The following BNC2 variants were observed in gnomAD, a reference collection of about 807,000 sequenced individuals.
BNC2 encodes basonuclin zinc finger protein 2.
Under a neutral mutation model 76.3 loss-of-function variants are expected in BNC2, and 20 were observed. That is an observed-to-expected ratio of 0.26 (90% CI 0.18 to 0.38). The LOEUF (loss-of-function observed/expected upper bound fraction) is 0.38. BNC2 is among the 10% of genes least tolerant of loss of function. The pLI, the probability that BNC2 is intolerant of heterozygous loss-of-function variation, is 1.00. For synonymous variants in BNC2, 582 were observed against 514.8 expected (o/e 1.13, Z -1.77); for missense variants, 1,382 against 1,399.8 (o/e 0.99, Z 0.20).
intron 5 of BNC2, among the ~76,000 whole-genome samples, chr9:16,471,616 G>A (rs569071517): frequency 6.6e-6 from 1 of 152,352 alleles, no homozygotes; most frequent in South Asian, 2.1e-4. Context: ...TTACAGGCCT[G>A]TAGGCGGAAG....
At chr9:16,622,757 C>G (rs146696850) in intron 3 of BNC2, among the ~76,000 whole-genome samples, 4 of 152,206 alleles carry the variant, frequency 2.6e-5, no homozygotes, top group African/African-American at 9.6e-5. Context: ...TTTTTAGAAG[C>G]CTGTTGCTCC....
Position 16,609,204 on chromosome 9 carries a change from T to G in BNC2, c.331-26119A>C, listed in dbSNP as rs142958108. Among the ~76,000 whole-genome samples the G allele has an allele frequency of 1.4e-3, 214 of 152,284 alleles. 1 individual carries two copies. The highest frequency in any genetic ancestry group is 5.1e-3 in the African/African-American group (210 of 41,562). ...GCTTTTATAACAAAAGTCTCAGACA[T>G]GAAATCATTACTACAACAAGTATTT... On this transcript the variant is annotated intron_variant, in intron 3 of 6. Coordinates refer to ENST00000380672, the MANE Select transcript of BNC2 (RefSeq NM_017637.6).
intron 5 of BNC2, among the ~76,000 whole-genome samples, chr9:16,545,848 C>T (rs187340088): frequency 8.5e-5 from 13 of 152,160 alleles, no homozygotes; most frequent in Non-Finnish European, 7.4e-5. Context: ...ATCTACGATC[C>T]GAGAAAATGG....
intron 3 of BNC2, among the ~76,000 whole-genome samples, chr9:16,631,607 G>A (rs1298429213): frequency 2.0e-5 from 3 of 152,096 alleles, no homozygotes; most frequent in Non-Finnish European, 4.4e-5. Flanking sequence ...CAACTGAGAG[G>A]GCTGGTATGA....
At position 16,732,901 on chromosome 9, in the gene BNC2, C is replaced by T. The variant is rs143188381; in HGVS notation, c.130-4904G>A. 4.7e-3 allele frequency among the ~76,000 whole-genome samples: 717 copies of T among 152,282 alleles called. 2 individuals are homozygous for T. The highest frequency in any genetic ancestry group is 0.016 in the African/African-American group (679 of 41,558). On this transcript the variant is annotated intron_variant, in intron 2 of 6. Transcript: ENST00000380672. Reference sequence around the variant, plus strand: ...TATAGAAAAAAATGTTAAAAACTGGCTATCCAATCTTATATGTGGACTCAG... The same window carrying T: ...TATAGAAAAAAATGTTAAAAACTGGTTATCCAATCTTATATGTGGACTCAG...
rs562166632 is a variant in BNC2 at position 16,578,895 on chromosome 9, T to C, written c.433+4088A>G. 3.6e-3 allele frequency among the ~76,000 whole-genome samples: 553 copies of C among 152,118 alleles called. 3 individuals carry two copies. The highest frequency in any genetic ancestry group is 0.012 in the African/African-American group (517 of 41,486). On this transcript the variant is annotated intron_variant, in intron 4 of 6. Transcript: ENST00000380672. ...GTGAAGTAGTGGCAGTAAACTGGAG[T>C]CCTTTTACAGAGACTTGACAGAATT... is the stretch of plus-strand genomic sequence containing the variant.
At chr9:16,699,443 G>A (rs891200654) in intron 3 of BNC2, among the ~76,000 whole-genome samples, 3 of 151,674 alleles carry the variant, frequency 2.0e-5, no homozygotes, top group African/African-American at 7.2e-5. Context: ...GAGTAAGAAA[G>A]AAGAGATTTC....
At chr9:16,650,381 C>T (rs757350950) in intron 3 of BNC2, among the ~76,000 whole-genome samples, 2 of 152,044 alleles carry the variant, frequency 1.3e-5, no homozygotes, top group African/African-American at 2.4e-5. Context: ...TGTGTTCATG[C>T]CTTAGTGGTA....
chr9:16,609,872 C>T (rs1284764515), intron 3 of BNC2, among the ~76,000 whole-genome samples: 5 of 152,090 alleles, frequency 3.3e-5, no homozygotes, highest in Non-Finnish European at 7.4e-5. Flanking sequence ...CTCAGGACTC[C>T]TGTCTCTTAG....
At chr9:16,817,522 T>C (rs1818214826) in intron 1 of BNC2, among the ~76,000 whole-genome samples, 1 of 152,148 alleles carries the variant, frequency 6.6e-6, no homozygotes, top group African/African-American at 2.4e-5. Flanking sequence ...TCCCATTTCT[T>C]CATTCAAAAA....
chr9:16,567,641 C>T (rs1317083039), intron 4 of BNC2, among the ~76,000 whole-genome samples: 1 of 151,980 alleles, frequency 6.6e-6, no homozygotes, highest in East Asian at 1.9e-4. Flanking sequence ...TATAAAAGTG[C>T]TTTTCACTGA....
chr9:16,477,966 G>C (rs1196835602), intron 5 of BNC2, among the ~76,000 whole-genome samples: 1 of 151,972 alleles, frequency 6.6e-6, no homozygotes, highest in African/African-American at 2.4e-5. Flanking sequence ...TTTCTCCTTA[G>C]AAAAAGACTT....
chr9:16,614,957 TTA>T (rs1820655592), intron 3 of BNC2, among the ~76,000 whole-genome samples: 1 of 60,722 alleles, frequency 1.6e-5, no homozygotes, highest in African/African-American at 7.4e-5. Flanking sequence ...CTCTGTCTCT[TTA>T]AAAAAAAAAA....
rs112687861 is a variant in BNC2, at chr9:16,620,371, C to T, written c.331-37286G>A. On this transcript the variant is annotated intron_variant, in intron 3 of 6. Transcript: ENST00000380672. ...TGACTGACAAAGAGGCAACAGCTAA[C>T]GGACTTTGCTCGGAGCTTTTACTGG... Among the ~76,000 whole-genome samples the T allele has an allele frequency of 7.2e-4, 110 of 152,306 alleles. 1 individual carries two copies. The highest frequency in any genetic ancestry group is 2.3e-3 in the African/African-American group (96 of 41,574).
intron 3 of BNC2, among the ~76,000 whole-genome samples, chr9:16,673,144 G>C (rs991883330): frequency 1.3e-5 from 2 of 152,028 alleles, no homozygotes; most frequent in Admixed American, 1.3e-4. Flanking sequence ...GCATGTATTA[G>C]ACATAGACTT....
At chr9:16,566,127 G>C (rs532546992) in intron 4 of BNC2, among the ~76,000 whole-genome samples, 1 of 152,102 alleles carries the variant, frequency 6.6e-6, no homozygotes, top group South Asian at 2.1e-4. Context: ...ATGTAGCCTA[G>C]AGAGGCTCCC....
At chr9:16,770,366 AG>A (rs1425298322) in intron 1 of BNC2, among the ~76,000 whole-genome samples, 6 of 152,330 alleles carry the variant, frequency 3.9e-5, no homozygotes, top group Admixed American at 2.0e-4. Context: ...TTAGAAAAAT[AG>A]TAAGATACTT....
chr9:16,547,438 G>A (rs1212151252), intron 5 of BNC2, among the ~76,000 whole-genome samples: 2 of 152,218 alleles, frequency 1.3e-5, no homozygotes, highest in African/African-American at 4.8e-5. Context: ...AAGCTAAACA[G>A]GTTTCCCTAG....
intron 3 of BNC2, among the ~76,000 whole-genome samples, chr9:16,588,400 T>C (rs898062098): frequency 3.9e-5 from 6 of 152,302 alleles, no homozygotes; most frequent in South Asian, 2.1e-4. Flanking sequence ...ATTCATACTA[T>C]AGTCCTCTAA....
Sources: gnomAD v4.1 joint callset for allele counts (sites outside exome capture counted in the v4.1 genomes callset) on GRCh38, gnomAD v4.1.1 for gene constraint, MANE v1.5 for transcripts, NCBI Gene and HGNC (gene_info 2026-07-23, HGNC 2026-07-21) for gene names.